The following KATNAL2 variants were observed in gnomAD, a reference collection of about 807,000 sequenced individuals.
KATNAL2 encodes the protein katanin p60 ATPase-containing subunit A-like 2.
A neutral mutation model predicts 76.3 loss-of-function variants in KATNAL2; 52 were observed. The ratio of observed to expected loss-of-function variants is 0.68; its 90% CI spans 0.55 to 0.86. KATNAL2 has a LOEUF of 0.86. Among genes scored for constraint, KATNAL2 ranks in the 40% least tolerant of loss-of-function variants. The pLI, the probability that KATNAL2 is intolerant of heterozygous loss-of-function variation, is 0.00. For missense variants in KATNAL2, 660 were observed against 668.9 expected (o/e 0.99, Z 0.15); for synonymous variants, 243 against 244.2 (o/e 1.00, Z 0.05).
At position 47,100,978 on chromosome 18, in the gene KATNAL2, C is replaced by A; in HGVS notation, c.1590C>A (p.Asp530Glu). The change falls in exon 18 of 18, where the codon GAC becomes GAA. Residue 530 changes from aspartate (D) to glutamate (E), a missense_variant. Coordinates refer to ENST00000683218, the MANE Select transcript of KATNAL2 (RefSeq NM_001387690.1). ...AGAATCTGGCTCAGAGATACTCAGA[C>A]TGGCAAAGAGAGTTCGAGTCTGTCT... is the stretch of plus-strand genomic sequence containing the variant. The part of the protein sequence containing the change: ...SAKNLAQRYS[D>E]WQREFESV The A allele has an allele frequency of 3.1e-6, 5 of 1,614,026 alleles. No individual in the cohort carries two copies. The highest frequency in any genetic ancestry group is 4.2e-6 in the Non-Finnish European group (5 of 1,179,936).
At chr18:46,930,023 C>T (rs185637270) in intron 1 of KATNAL2, among the ~76,000 whole-genome samples, 7 of 152,278 alleles carry the variant, frequency 4.6e-5, no homozygotes, top group East Asian at 3.9e-4. Flanking sequence ...GATCCGCCCT[C>T]GTCGACCCCC....
intron 3 of KATNAL2, among the ~76,000 whole-genome samples, chr18:46,956,502 C>A (rs765306379): frequency 6.6e-6 from 1 of 152,168 alleles, no homozygotes; most frequent in Non-Finnish European, 1.5e-5. Flanking sequence ...TTCTGACCAG[C>A]CCCTTTACCA....
At chr18:46,942,471 G>A (rs1032185037) in intron 1 of KATNAL2, among the ~76,000 whole-genome samples, 5 of 152,044 alleles carry the variant, frequency 3.3e-5, no homozygotes, top group African/African-American at 9.7e-5. Context: ...AAAATTAGCC[G>A]GGCGTGGTGG....
Position 47,055,304 on chromosome 18 carries a change from C to G in KATNAL2, c.332+866C>G, listed in dbSNP as rs8082861. Among the ~76,000 whole-genome samples, 1,121 of 152,332 alleles carry G rather than the reference C, an allele frequency of 7.4e-3. 13 individuals carry two copies. The highest frequency in any genetic ancestry group is 0.024 in the African/African-American group (1,002 of 41,586). On this transcript the variant is annotated intron_variant, in intron 6 of 17. Coordinates refer to ENST00000683218, the MANE Select transcript of KATNAL2 (RefSeq NM_001387690.1). ...TCATGGAAAGACACAGCCATCCAAG[C>G]AGTCAACAAAGTGTTTAAAGTCTTA...
chr18:47,076,313 C>G (rs1465715245), intron 14 of KATNAL2: 2 of 152,188 alleles, frequency 1.3e-5, no homozygotes, highest in African/African-American at 4.8e-5. Context: ...TTGATTGAAA[C>G]AGGACATTTT....
intron 13 of KATNAL2, 108 bp from the exon 14 acceptor site, chr18:47,075,169 T>C: frequency 1.3e-6 from 1 of 772,996 alleles, no homozygotes; most frequent in East Asian, 3.4e-5. Context: ...AATAACAGAG[T>C]GCAGCATAAA....
intron 1 of KATNAL2, among the ~76,000 whole-genome samples, chr18:46,931,161 G>A (rs967643142): frequency 7.7e-5 from 10 of 130,550 alleles, no homozygotes; most frequent in East Asian, 4.4e-4. Context: ...TTAGCCAGGC[G>A]TGGTGACATG....
intron 3 of KATNAL2, among the ~76,000 whole-genome samples, chr18:46,951,832 C>T (rs1235551715): frequency 6.6e-6 from 1 of 151,922 alleles, no homozygotes; most frequent in Non-Finnish European, 1.5e-5. Flanking sequence ...CAGCAGTGGC[C>T]CGACCTTGGC....
In KATNAL2 at chr18:47,046,669, G is replaced by A. The variant is rs73954214; in HGVS notation, c.122+142G>A. 519 of 653,742 alleles carry A rather than the reference G, an allele frequency of 7.9e-4. 4 individuals carry two copies. The African/African-American group carries it at 8.2e-3, about 10-fold the overall frequency. The allele number at this position is 653,742 out of a possible 1,614,324, so 40.5% of individuals were successfully genotyped here. A position where few individuals can be genotyped will look rare whatever the true frequency, so the allele number is the denominator to read the frequency against. On this transcript the variant is annotated intron_variant, in intron 4 of 17. Coordinates refer to ENST00000683218, the MANE Select transcript of KATNAL2 (RefSeq NM_001387690.1). ...AGAAAAATCGAGCAGAAAGTACAGA[G>A]TTCTGTATGCCCCTTCCCTTTTCCA... is the stretch of plus-strand genomic sequence containing the variant.
chr18:47,034,217 T>A, intron 3 of KATNAL2: 1 of 1,613,756 alleles, frequency 6.2e-7, no homozygotes, highest in South Asian at 1.1e-5. Flanking sequence ...GTCGGTGGCT[T>A]CCCCTCTTGA....
intron 1 of KATNAL2, among the ~76,000 whole-genome samples, chr18:46,923,386 C>T: frequency 6.6e-6 from 1 of 151,086 alleles, no homozygotes; most frequent in African/African-American, 2.4e-5. Context: ...CATGTCCCTA[C>T]AAAGGACATG....
At chr18:46,948,612 G>C (rs534289870) in intron 3 of KATNAL2, among the ~76,000 whole-genome samples, 1 of 151,996 alleles carries the variant, frequency 6.6e-6, no homozygotes, top group African/African-American at 2.4e-5. Flanking sequence ...TGTTTTAGTA[G>C]AGATGGGGTT....
chr18:47,096,084 C>G (rs1599880254), intron 15 of KATNAL2, among the ~76,000 whole-genome samples: 1 of 152,278 alleles, frequency 6.6e-6, no homozygotes, highest in East Asian at 1.9e-4. Flanking sequence ...TAAGGCACCC[C>G]TGGACTATGG....
intron 15 of KATNAL2, among the ~76,000 whole-genome samples, chr18:47,088,724 C>T (rs1023655453): frequency 1.3e-5 from 2 of 152,086 alleles, no homozygotes; most frequent in Non-Finnish European, 2.9e-5. Flanking sequence ...CCACCACACC[C>T]GGCTAGTGTT....
intron 1 of KATNAL2, among the ~76,000 whole-genome samples, chr18:46,942,303 C>T (rs554356519): frequency 6.6e-6 from 1 of 152,240 alleles, no homozygotes; most frequent in Admixed American, 6.5e-5. Context: ...TAAGCTCATC[C>T]AGTAAATTTT....
At chr18:47,063,262 G>C in intron 9 of KATNAL2, 22 bp from the exon 10 acceptor site, 5 of 1,610,248 alleles carry the variant, frequency 3.1e-6, no homozygotes, top group Non-Finnish European at 4.2e-6. Flanking sequence ...TGTAATGTGA[G>C]CCTTTCCGCT....
At chr18:47,042,176 A>G (rs1285706451) in intron 3 of KATNAL2, among the ~76,000 whole-genome samples, 3 of 152,018 alleles carry the variant, frequency 2.0e-5, no homozygotes, top group Non-Finnish European at 4.4e-5. Flanking sequence ...CATCTATTTT[A>G]TAGGTTCGAG....
intron 1 of KATNAL2, among the ~76,000 whole-genome samples, chr18:46,922,823 GAAACATAAACTTCGAAAGC>G (rs1205415982): frequency 1.3e-5 from 2 of 150,152 alleles, no homozygotes; most frequent in African/African-American, 4.9e-5. Context: ...ATAAAAAGTT[GAAACATAAACTTCGAAAGC>G]ATAGCAGTAT....
intron 11 of KATNAL2, among the ~76,000 whole-genome samples, chr18:47,067,872 A>G (rs763210724): frequency 3.9e-5 from 6 of 152,156 alleles, no homozygotes; most frequent in African/African-American, 4.8e-5. Flanking sequence ...GCTGAGCTCA[A>G]TCACAGGTCT....
Sources: gnomAD v4.1 joint callset for allele counts (sites outside exome capture counted in the v4.1 genomes callset) on GRCh38, gnomAD v4.1.1 for gene constraint, MANE v1.5 for transcripts, NCBI Gene and HGNC (gene_info 2026-07-23, HGNC 2026-07-21) for gene names.